Variants in ANGPT1 observed in about 807,000 individuals in gnomAD.
ANGPT1 encodes angiopoietin 1.
ANGPT1 carries 17 observed loss-of-function variants against 62.2 expected under a neutral mutation model. The ratio of observed to expected loss-of-function variants is 0.27; its 90% CI spans 0.19 to 0.41. ANGPT1 has a LOEUF of 0.41. ANGPT1 is among the 10% of genes least tolerant of loss of function. The pLI, the probability that ANGPT1 is intolerant of heterozygous loss-of-function variation, is 1.00. For synonymous variants in ANGPT1, 199 were observed against 198.9 expected (o/e 1.00, Z 0.00); for missense variants, 478 against 594.9 (o/e 0.80, Z 2.04).
intron 1 of ANGPT1, among the ~76,000 whole-genome samples, chr8:107,471,320 T>A (rs116497687): frequency 6.6e-6 from 1 of 151,842 alleles, no homozygotes. Context: ...AACCAAACAG[T>A]GCATGTTCTC....
intron 1 of ANGPT1, among the ~76,000 whole-genome samples, chr8:107,416,735 C>G (rs1372893739): frequency 6.6e-6 from 1 of 151,930 alleles, no homozygotes; most frequent in Non-Finnish European, 1.5e-5. Flanking sequence ...TCCTCCAGAG[C>G]ATGGGGCAGA....
intron 1 of ANGPT1, among the ~76,000 whole-genome samples, chr8:107,488,600 A>G (rs1812877274): frequency 1.3e-5 from 2 of 152,360 alleles, no homozygotes; most frequent in South Asian, 2.1e-4. Context: ...TTAAATATTC[A>G]ACTTATTCAA....
intron 8 of ANGPT1, among the ~76,000 whole-genome samples, chr8:107,257,926 T>TTCTCTCTCTCTCTC (rs142506893): frequency 6.6e-5 from 8 of 121,974 alleles, no homozygotes; most frequent in African/African-American, 2.5e-4. Context: ...TGTTCTTTCT[T>TTCTCTCTCTCTCTC]TCTCTCTCTC....
intron 1 of ANGPT1, among the ~76,000 whole-genome samples, chr8:107,471,220 A>G (rs935555430): frequency 1.3e-5 from 2 of 152,190 alleles, no homozygotes; most frequent in African/African-American, 4.8e-5. Context: ...CAACCATAAG[A>G]AAGAATGAGC....
intron 1 of ANGPT1, among the ~76,000 whole-genome samples, chr8:107,430,491 T>C (rs1811154651): frequency 6.6e-6 from 1 of 152,228 alleles, no homozygotes; most frequent in Admixed American, 6.5e-5. Context: ...AATATTTTTC[T>C]AGATTGCATC....
chr8:107,441,604 G>C (rs1037364232), intron 1 of ANGPT1, among the ~76,000 whole-genome samples: 4 of 152,108 alleles, frequency 2.6e-5, no homozygotes, highest in African/African-American at 9.7e-5. Context: ...ATCACTAACA[G>C]GTTGTTTAAT....
At chr8:107,446,237 C>T (rs1423712997) in intron 1 of ANGPT1, among the ~76,000 whole-genome samples, 2 of 152,062 alleles carry the variant, frequency 1.3e-5, no homozygotes, top group Non-Finnish European at 2.9e-5. Flanking sequence ...ATTATTTAAC[C>T]CAATACATCC....
intron 1 of ANGPT1, among the ~76,000 whole-genome samples, chr8:107,446,467 AG>A (rs960617179): frequency 9.9e-5 from 15 of 152,202 alleles, no homozygotes; most frequent in African/African-American, 3.6e-4. Context: ...GCCAAGGAAC[AG>A]TTTAATTTTC....
chr8:107,370,340 A>AAAAGAAAGAAAGAAAGAAAGAAAG (rs71308727), intron 1 of ANGPT1, among the ~76,000 whole-genome samples: 1 of 54,402 alleles, frequency 1.8e-5, no homozygotes, highest in African/African-American at 7.1e-5. Context: ...GAAAGAAAGA[A>AAAAGAAAGAAAGAAAGAAAGAAAG]AAAGAAAGAA....
chr8:107,371,369 T>G (rs1241838942), intron 1 of ANGPT1, among the ~76,000 whole-genome samples: 1 of 152,156 alleles, frequency 6.6e-6, no homozygotes, highest in East Asian at 1.9e-4. Context: ...CTCTTTTCAC[T>G]CTTGTTCTCC....
intron 1 of ANGPT1, among the ~76,000 whole-genome samples, chr8:107,370,384 G>GA (rs796912564): frequency 0.12 from 6,915 of 55,612 alleles, 2,044 homozygotes; most frequent in Non-Finnish European, 0.21. Context: ...AAGAAAGAAA[G>GA]AAAGAAAGAA....
At chr8:107,482,234 T>C (rs1404861092) in intron 1 of ANGPT1, among the ~76,000 whole-genome samples, 3 of 152,264 alleles carry the variant, frequency 2.0e-5, no homozygotes, top group Non-Finnish European at 4.4e-5. Flanking sequence ...TTTGATTATG[T>C]TCATTGGGCT....
chr8:107,434,616 A>AAACTTCAGT (rs11283028), intron 1 of ANGPT1, among the ~76,000 whole-genome samples: 1 of 151,438 alleles, frequency 6.6e-6, no homozygotes, highest in Non-Finnish European at 1.5e-5. Context: ...AAAAAATACT[A>AAACTTCAGT]AACTTCAATA....
chr8:107,279,736 C>T (rs1185703695), intron 7 of ANGPT1, among the ~76,000 whole-genome samples: 2 of 144,218 alleles, frequency 1.4e-5, no homozygotes, highest in Non-Finnish European at 3.1e-5. Context: ...CACACATACA[C>T]ACACACGTGT....
chr8:107,455,508 G>A (rs1811897452), intron 1 of ANGPT1, among the ~76,000 whole-genome samples: 1 of 152,002 alleles, frequency 6.6e-6, no homozygotes, highest in Non-Finnish European at 1.5e-5. Flanking sequence ...TGGTGAATAA[G>A]TGGTTTAATC....
At chr8:107,311,787 G>C (rs1379538545) in intron 4 of ANGPT1, among the ~76,000 whole-genome samples, 2 of 151,922 alleles carry the variant, frequency 1.3e-5, no homozygotes, top group Admixed American at 6.6e-5. Flanking sequence ...GGAAAAAGCT[G>C]GGTGCGGTGG....
intron 5 of ANGPT1, among the ~76,000 whole-genome samples, chr8:107,302,057 C>T (rs903342493): frequency 6.6e-6 from 1 of 151,898 alleles, no homozygotes. Context: ...ATATTGCCAT[C>T]AGCAGGTCAC....
chr8:107,449,787 G>A (rs775470868), intron 1 of ANGPT1, among the ~76,000 whole-genome samples: 22 of 151,914 alleles, frequency 1.4e-4, no homozygotes, highest in South Asian at 2.1e-4. Flanking sequence ...TTCTTTATAC[G>A]TATTAACTCA....
intron 1 of ANGPT1, among the ~76,000 whole-genome samples, chr8:107,387,856 A>G (rs1816761452): frequency 6.6e-6 from 1 of 152,050 alleles, no homozygotes; most frequent in Non-Finnish European, 1.5e-5. Context: ...TTTCCCCACA[A>G]CTTTAAAAAT....
Sources: gnomAD v4.1 joint callset for allele counts (sites outside exome capture counted in the v4.1 genomes callset) on GRCh38, gnomAD v4.1.1 for gene constraint, MANE v1.5 for transcripts, NCBI Gene and HGNC (gene_info 2026-07-23, HGNC 2026-07-21) for gene names.